Variants in ATP9A observed in about 807,000 individuals in gnomAD.
ATP9A encodes the protein probable phospholipid-transporting ATPase IIA.
Under a neutral mutation model 144.1 loss-of-function variants are expected in ATP9A, and 52 were observed. That is an observed-to-expected ratio of 0.36 (90% CI 0.29 to 0.45). The LOEUF (loss-of-function observed/expected upper bound fraction) is 0.45. Ranked by LOEUF, ATP9A falls within the 20% of genes least tolerant of loss-of-function variation. ATP9A has a pLI of 1.00. For missense variants in ATP9A, 947 were observed against 1,392.7 expected, an observed-to-expected ratio of 0.68 and a Z score of 5.09; for synonymous variants, 582 against 557.4, an observed-to-expected ratio of 1.04 and a Z score of -0.62.
chr20:51,667,738 G>A (rs1004286014), intron 13 of ATP9A, among the ~76,000 whole-genome samples: 1 of 152,022 alleles, frequency 6.6e-6, no homozygotes, highest in African/African-American at 2.4e-5. Flanking sequence ...TGCTGAGTGA[G>A]TGAGAAGGGA....
At chr20:51,634,471 T>G (rs2077282352) in intron 15 of ATP9A, among the ~76,000 whole-genome samples, 2 of 152,108 alleles carry the variant, frequency 1.3e-5, no homozygotes, top group South Asian at 4.2e-4. Context: ...AGCAGCTGTG[T>G]GGGAGAGAAA....
intron 18 of ATP9A, among the ~76,000 whole-genome samples, chr20:51,624,856 T>A (rs927672063): frequency 2.0e-5 from 3 of 151,782 alleles, no homozygotes; most frequent in Non-Finnish European, 2.9e-5. Flanking sequence ...AATATAAAAA[T>A]TAGCCAGGCG....
At chr20:51,712,906 T>C (rs1482022945) in intron 4 of ATP9A, 60 bp downstream of exon 4, 1 of 1,451,816 alleles carries the variant, frequency 6.9e-7, no homozygotes. Context: ...TCTTCTCCCC[T>C]GACTGTCAGC....
chr20:51,762,705 C>CAT (rs769579238), intron 1 of ATP9A, among the ~76,000 whole-genome samples: 1 of 84,530 alleles, frequency 1.2e-5, no homozygotes, highest in African/African-American at 5.1e-5. Context: ...CCACAAATGG[C>CAT]TTTTTTTTTT....
chr20:51,725,594 T>A (rs62226701), intron 3 of ATP9A, among the ~76,000 whole-genome samples: 8,624 of 152,194 alleles, frequency 0.057, 509 homozygotes, highest in African/African-American at 0.15. Flanking sequence ...ACCCAACAGC[T>A]AAATGAATAA....
intron 9 of ATP9A, among the ~76,000 whole-genome samples, chr20:51,685,830 T>C (rs983488324): frequency 1.6e-4 from 25 of 152,130 alleles, no homozygotes; most frequent in Non-Finnish European, 3.5e-4. Context: ...GATCTAGAAC[T>C]AGAAATACCA....
At chr20:51,689,715 C>G (rs938224710) in intron 8 of ATP9A, among the ~76,000 whole-genome samples, 21 of 151,850 alleles carry the variant, frequency 1.4e-4, no homozygotes, top group African/African-American at 4.8e-4. Flanking sequence ...AGCCACCACG[C>G]CAGGCCTCCT....
intron 2 of ATP9A, among the ~76,000 whole-genome samples, chr20:51,727,880 G>C (rs137908863): frequency 6.6e-6 from 1 of 150,854 alleles, no homozygotes; most frequent in African/African-American, 2.4e-5. Context: ...GCAGTGAGCC[G>C]AGATCACGCC....
intron 13 of ATP9A, among the ~76,000 whole-genome samples, chr20:51,665,316 C>T (rs1352402267): frequency 6.6e-6 from 1 of 152,152 alleles, no homozygotes; most frequent in African/African-American, 2.4e-5. Flanking sequence ...TAAAATTAGA[C>T]AGTACCAATG....
chr20:51,623,833 T>G (rs1039718567), intron 18 of ATP9A, among the ~76,000 whole-genome samples: 4 of 143,742 alleles, frequency 2.8e-5, no homozygotes, highest in African/African-American at 7.8e-5. Flanking sequence ...AAAAGAAAAT[T>G]TCCTGTGCAA....
intron 6 of ATP9A, 83 bp from the exon 7 acceptor site, chr20:51,694,185 T>G (rs1163940823): frequency 1.9e-6 from 2 of 1,067,160 alleles, no homozygotes; most frequent in Non-Finnish European, 2.8e-6. Flanking sequence ...CTCTGGTCCT[T>G]GTAAAAACAG....
At chr20:51,767,206 A>C (rs886437061) in intron 1 of ATP9A, among the ~76,000 whole-genome samples, 4 of 151,290 alleles carry the variant, frequency 2.6e-5, no homozygotes, top group African/African-American at 9.7e-5. Flanking sequence ...CCCAGAGAGG[A>C]CCAGACGCCC....
intron 6 of ATP9A, among the ~76,000 whole-genome samples, chr20:51,694,694 G>A (rs6126306): frequency 0.22 from 33,462 of 151,986 alleles, 4,312 homozygotes; most frequent in East Asian, 0.48. Flanking sequence ...GCAAGCACTA[G>A]GTCATTATGG....
intron 13 of ATP9A, among the ~76,000 whole-genome samples, chr20:51,659,275 T>C (rs1057165450): frequency 6.6e-6 from 1 of 152,226 alleles, no homozygotes; most frequent in Non-Finnish European, 1.5e-5. Flanking sequence ...ATTGTCTAAA[T>C]TGGCCTATTT....
intron 1 of ATP9A, among the ~76,000 whole-genome samples, chr20:51,743,566 A>G (rs1452199141): frequency 6.7e-6 from 1 of 149,996 alleles, no homozygotes; most frequent in African/African-American, 2.4e-5. Flanking sequence ...CGCCAGGCTA[A>G]TTTTTGTATT....
intron 27 of ATP9A, 52 bp downstream of exon 27, chr20:51,604,765 G>A: frequency 7.1e-7 from 1 of 1,411,050 alleles, no homozygotes; most frequent in Non-Finnish European, 9.3e-7. Context: ...GAGACCTCTG[G>A]GCCAGATTCA....
chr20:51,742,881 G>A (rs573728507), intron 1 of ATP9A, among the ~76,000 whole-genome samples: 57 of 152,292 alleles, frequency 3.7e-4, no homozygotes, highest in South Asian at 8.3e-4. Flanking sequence ...TGACAGGGCT[G>A]TAAATACTGA....
At chr20:51,724,896 C>G (rs1454280301) in intron 3 of ATP9A, among the ~76,000 whole-genome samples, 1 of 152,176 alleles carries the variant, frequency 6.6e-6, no homozygotes, top group East Asian at 1.9e-4. Flanking sequence ...TCCCAGGAAA[C>G]AATTCAAATA....
intron 4 of ATP9A, among the ~76,000 whole-genome samples, chr20:51,700,801 A>G (rs2122833346): frequency 6.6e-6 from 1 of 152,312 alleles, no homozygotes; most frequent in East Asian, 1.9e-4. Context: ...CTGCACTCCA[A>G]CCTGGGCAAC....
Sources: allele counts gnomAD v4.1 joint callset (sites outside exome capture counted in the v4.1 genomes callset), GRCh38; gene constraint gnomAD v4.1.1; transcripts MANE v1.5; gene names NCBI Gene and HGNC (gene_info 2026-07-23, HGNC 2026-07-21).